The following TASP1 variants were observed in gnomAD, a reference collection of about 807,000 sequenced individuals.
The protein encoded by TASP1 is taspase 1.
TASP1 carries 16 observed loss-of-function variants against 56.6 expected under a neutral mutation model. The ratio of observed to expected loss-of-function variants is 0.28; its 90% CI spans 0.19 to 0.43. The LOEUF (loss-of-function observed/expected upper bound fraction) is 0.43, where lower values mean the gene tolerates loss of function less well. Among genes scored for constraint, TASP1 ranks in the 20% least tolerant of loss-of-function variants. The pLI is 1.00. For synonymous variants in TASP1, 179 were observed against 184.2 expected (o/e 0.97, Z 0.23); for missense variants, 393 against 511.6 (o/e 0.77, Z 2.24).
intron 12 of TASP1, among the ~76,000 whole-genome samples, chr20:13,422,091 A>G (rs2042460817): frequency 6.6e-6 from 1 of 151,354 alleles, no homozygotes; most frequent in Non-Finnish European, 1.5e-5. Context: ...AGCTCGGACT[A>G]CAGGCGCCCA....
chr20:13,393,405 C>A, intron 13 of TASP1: 1 of 752,772 alleles, frequency 1.3e-6, no homozygotes, highest in Non-Finnish European at 2.4e-6. Context: ...AGTTATGGAC[C>A]TGACCTACCG....
intron 12 of TASP1, among the ~76,000 whole-genome samples, chr20:13,418,103 GGTTTCACCATGTTGGCCA>G (rs2042320282): frequency 6.6e-6 from 1 of 152,082 alleles, no homozygotes; most frequent in South Asian, 2.1e-4. Flanking sequence ...GTAGAGACGG[GGTTTCACCATGTTGGCCA>G]GGCTGGTCTC....
intron 10 of TASP1, among the ~76,000 whole-genome samples, chr20:13,517,198 T>C (rs2044573395): frequency 6.6e-6 from 1 of 152,130 alleles, no homozygotes; most frequent in Non-Finnish European, 1.5e-5. Context: ...GTTTCCTATA[T>C]TACCAAGGCC....
intron 5 of TASP1, among the ~76,000 whole-genome samples, chr20:13,581,721 T>C (rs2047132733): frequency 6.6e-6 from 1 of 152,174 alleles, no homozygotes; most frequent in Non-Finnish European, 1.5e-5. Flanking sequence ...ACGACAATGA[T>C]GATGATGGTG....
intron 13 of TASP1, among the ~76,000 whole-genome samples, chr20:13,394,508 A>T (rs1283258768): frequency 6.6e-6 from 1 of 151,960 alleles, no homozygotes; most frequent in East Asian, 1.9e-4. Flanking sequence ...GCTATTCGGG[A>T]GGCTGAGGCT....
At chr20:13,138,820 G>A in the TASP1 span, among the ~76,000 whole-genome samples, 1 of 152,196 alleles carries the variant, frequency 6.6e-6, no homozygotes, top group Non-Finnish European at 1.5e-5. Context: ...ATATGGAGGT[G>A]AGCTGAGCAT....
the TASP1 span, among the ~76,000 whole-genome samples, chr20:13,333,444 C>T: frequency 6.6e-6 from 1 of 152,162 alleles, no homozygotes; most frequent in African/African-American, 2.4e-5. Context: ...GAGATTTGAG[C>T]CCAAATATTT....
chr20:13,374,401 G>A, the TASP1 span, among the ~76,000 whole-genome samples: 4 of 150,700 alleles, frequency 2.7e-5, no homozygotes, highest in African/African-American at 9.8e-5. Flanking sequence ...AGGCTGGAGT[G>A]CAGTGGTGCC....
chr20:13,467,034 T>G (rs1465505468), intron 11 of TASP1, among the ~76,000 whole-genome samples: 1 of 152,136 alleles, frequency 6.6e-6, no homozygotes, highest in Non-Finnish European at 1.5e-5. Context: ...AAGTCAATTT[T>G]CCTATGGCTT....
the TASP1 span, among the ~76,000 whole-genome samples, chr20:13,203,087 T>TA: frequency 1.3e-5 from 2 of 152,188 alleles, no homozygotes; most frequent in South Asian, 2.1e-4. Context: ...GGGTTTTTTT[T>TA]AACCAAAATA....
chr20:13,429,435 A>T (rs953420596), intron 12 of TASP1, among the ~76,000 whole-genome samples: 1 of 152,066 alleles, frequency 6.6e-6, no homozygotes, highest in African/African-American at 2.4e-5. Context: ...AACTAGTTGA[A>T]CTCCATGAAC....
the TASP1 span, among the ~76,000 whole-genome samples, chr20:13,125,920 G>A: frequency 6.6e-6 from 1 of 152,346 alleles, no homozygotes; most frequent in African/African-American, 2.4e-5. Flanking sequence ...TACAGACAGT[G>A]AGAGAATTAC....
chr20:13,615,785 G>A (rs2048503483), intron 4 of TASP1, among the ~76,000 whole-genome samples: 1 of 152,054 alleles, frequency 6.6e-6, no homozygotes, highest in Non-Finnish European at 1.5e-5. Flanking sequence ...TTACAGGTGT[G>A]AGCAACTGTG....
At chr20:13,263,608 T>C in the TASP1 span, among the ~76,000 whole-genome samples, 1 of 152,240 alleles carries the variant, frequency 6.6e-6, no homozygotes, top group Non-Finnish European at 1.5e-5. Context: ...TTTTTAGATG[T>C]GTGGAACTGT....
the TASP1 span, among the ~76,000 whole-genome samples, chr20:13,322,191 C>A: frequency 8.5e-5 from 13 of 152,194 alleles, no homozygotes; most frequent in Non-Finnish European, 1.6e-4. Flanking sequence ...AGATGACTTC[C>A]AATTTGACAG....
chr20:13,236,044 C>T, the TASP1 span, among the ~76,000 whole-genome samples: 2 of 152,024 alleles, frequency 1.3e-5, no homozygotes, highest in African/African-American at 4.8e-5. Flanking sequence ...ACTGCCTCAG[C>T]CTCCTGAGTA....
the TASP1 span, among the ~76,000 whole-genome samples, chr20:13,343,849 G>C: frequency 2.0e-5 from 3 of 152,134 alleles, no homozygotes; most frequent in African/African-American, 7.2e-5. Context: ...ATCTATTCCT[G>C]CAGAATCCAG....
the TASP1 span, chr20:13,221,667 A>AC: frequency 1.0e-6 from 1 of 955,696 alleles, no homozygotes; most frequent in Non-Finnish European, 1.3e-6. Flanking sequence ...GCGGGAGCCG[A>AC]GGCGGGAGCC....
At chr20:13,484,234 T>C (rs1010003595) in intron 10 of TASP1, among the ~76,000 whole-genome samples, 2 of 152,218 alleles carry the variant, frequency 1.3e-5, no homozygotes, top group African/African-American at 4.8e-5. Flanking sequence ...TCAACCATTA[T>C]GGAAGATAGT....
Sources: allele counts gnomAD v4.1 joint callset (sites outside exome capture counted in the v4.1 genomes callset), GRCh38; gene constraint gnomAD v4.1.1; transcripts MANE v1.5; gene names NCBI Gene and HGNC (gene_info 2026-07-23, HGNC 2026-07-21).